The following RAB11FIP5 variants were observed in gnomAD, a reference collection of about 807,000 sequenced individuals.
RAB11FIP5 encodes rab11 family-interacting protein 5.
Under a neutral mutation model 85.1 loss-of-function variants are expected in RAB11FIP5, and 48 were observed. The ratio of observed to expected loss-of-function variants is 0.56; its 90% CI spans 0.45 to 0.72. RAB11FIP5 has a LOEUF of 0.72. RAB11FIP5 is among the 30% of genes least tolerant of loss of function. The probability of loss-of-function intolerance (pLI) is 0.00; values close to 1 mark genes in which losing one functional copy is unlikely to be tolerated. For synonymous variants in RAB11FIP5, 729 were observed against 727.3 expected (o/e 1.00, Z -0.04); for missense variants, 1,491 against 1,687.0 (o/e 0.88, Z 2.04).
At chr2:73,100,653 T>A (rs1399786370) in intron 1 of RAB11FIP5, among the ~76,000 whole-genome samples, 1 of 152,142 alleles carries the variant, frequency 6.6e-6, no homozygotes, top group African/African-American at 2.4e-5. Flanking sequence ...CTTGAACTCC[T>A]GACCTCAAGT....
At chr2:73,101,348 C>T (rs1355275066) in intron 1 of RAB11FIP5, among the ~76,000 whole-genome samples, 2 of 152,146 alleles carry the variant, frequency 1.3e-5, no homozygotes, top group Admixed American at 6.5e-5. Context: ...ACATAACAGC[C>T]AGGTGCCTAT....
At position 73,075,458 on chromosome 2, in the gene RAB11FIP5, G is replaced by T. The variant is rs1304115232; in HGVS notation, c.*63C>A. On this transcript the variant is annotated 3_prime_UTR_variant, in exon 6 of 6. Coordinates refer to ENST00000486777, the MANE Select transcript of RAB11FIP5 (RefSeq NM_001371272.1). The surrounding 1 kb of genome is among the most constrained non-coding windows in gnomAD (Gnocchi z 4.6). The stretch of plus-strand genomic sequence containing the variant: ...GCCCCACTGCAGATGAGAGAGTTCA[G>T]GAGGAGAGAGGGCAGGCAGCAATAG... 1.3e-6 allele frequency: 2 copies of T among 1,493,846 alleles called. No homozygotes were observed. Among genetic ancestry groups the T allele is most frequent in the African/African-American group, 2.8e-5 (2 of 72,634 alleles). 92.5% of individuals were successfully genotyped at this position (1,493,846 alleles called of 1,614,324 possible).
At chr2:73,099,119 G>A (rs746914583) in intron 1 of RAB11FIP5, among the ~76,000 whole-genome samples, 8 of 144,656 alleles carry the variant, frequency 5.5e-5, no homozygotes, top group South Asian at 2.2e-4. Flanking sequence ...GCACAGTCTC[G>A]GCTCACTGAA....
Position 73,079,731 on chromosome 2 carries a change from G to A in RAB11FIP5, c.3501C>T (p.Leu1167=). 1.6e-6 allele frequency: 2 copies of A among 1,233,126 alleles called. No individual in the cohort carries two copies. Among genetic ancestry groups the A allele is most frequent in the Non-Finnish European group, 2.0e-6 (2 of 988,790 alleles). The allele number at this position is 1,233,126 out of a possible 1,614,324, so 76.4% of individuals were successfully genotyped here. ...GCGGGGAGGCTGGGGTGGCTGCAGC[G>A]AGGTCCTCCCTAAGTAGGGCAGGGG... ...GGSPALLRED[L]AAATPASPLV... Residue 1167 remains leucine (L), a synonymous_variant, in exon 4 of 6, where the codon CTC becomes CTT. Transcript: ENST00000486777.
chr2:73,083,155 C>T (rs948654439), intron 3 of RAB11FIP5, among the ~76,000 whole-genome samples: 2 of 152,208 alleles, frequency 1.3e-5, no homozygotes, highest in Non-Finnish European at 2.9e-5. Flanking sequence ...GCCAGCCAGC[C>T]CATAAGGAGT....
chr2:73,103,777 G>A (rs1684473998), intron 1 of RAB11FIP5, among the ~76,000 whole-genome samples: 1 of 152,174 alleles, frequency 6.6e-6, no homozygotes, highest in South Asian at 2.1e-4. Flanking sequence ...TAAGTGAGGT[G>A]GCCCAGGACC....
At chr2:73,085,453 T>C (rs1389519935) in intron 3 of RAB11FIP5, among the ~76,000 whole-genome samples, 1 of 152,230 alleles carries the variant, frequency 6.6e-6, no homozygotes, top group Non-Finnish European at 1.5e-5. Flanking sequence ...ACTTTGGCCC[T>C]GGCGGGTTTA....
chr2:73,089,495 T>A lies in RAB11FIP5; in HGVS notation c.432-180A>T. The A allele has an allele frequency of 1.4e-6, 1 of 713,956 alleles. No individual in the cohort carries two copies. The highest frequency in any genetic ancestry group is 2.5e-6 in the Non-Finnish European group (1 of 399,846). The allele number at this position is 713,956 out of a possible 1,614,324, so 44.2% of individuals were successfully genotyped here. On this transcript the variant is annotated intron_variant, in intron 1 of 5. Coordinates refer to ENST00000486777, the MANE Select transcript of RAB11FIP5 (RefSeq NM_001371272.1). This position sits in a 1 kb window ranked among gnomAD's most constrained non-coding sequence, Gnocchi z 4.6. ...CAGGCTTCAGATGCAGCTGAGAAAC[T>A]ATCCAAAACATTTCCATGATGGAGA...
chr2:73,112,225 T>G, intron 1 of RAB11FIP5, 122 bp downstream of exon 1: 1 of 1,161,110 alleles, frequency 8.6e-7, no homozygotes, highest in South Asian at 1.8e-5. Flanking sequence ...TTCTGTCGGT[T>G]TACGCCCTTA....
chr2:73,080,783 G>A lies in RAB11FIP5; in HGVS notation c.2449C>T (p.Arg817Ter), dbSNP rs571316044. Residue 817 changes from arginine (R) to a stop codon, truncating the protein, a stop_gained, in exon 4 of 6, where the codon CGA becomes TGA. Coordinates refer to ENST00000486777, the MANE Select transcript of RAB11FIP5 (RefSeq NM_001371272.1). LOFTEE classifies it high-confidence loss of function. The part of the protein sequence containing the change: ...AAEGQDDESS[R>*]GENQLCPDVE... The stretch of plus-strand genomic sequence containing the variant: ...TCAGGGCAAAGCTGATTTTCGCCTC[G>A]GGAGGACTCATCGTCCTGGCCCTCA... 1.6e-5 allele frequency: 20 copies of A among 1,232,418 alleles called. No homozygotes were observed. The Admixed American group carries it at 2.5e-4, about 16-fold the overall frequency. The allele number at this position is 1,232,418 out of a possible 1,614,324, so 76.3% of individuals were successfully genotyped here.
At chr2:73,110,595 C>T (rs558725615) in intron 1 of RAB11FIP5, among the ~76,000 whole-genome samples, 36 of 152,236 alleles carry the variant, frequency 2.4e-4, no homozygotes, top group African/African-American at 8.4e-4. Flanking sequence ...GGTTCCCATT[C>T]AGATCAAGGG....
rs755164489 is a variant in RAB11FIP5, at chr2:73,089,111, G to C, written c.636C>G (p.Leu212=). 6.2e-7 allele frequency: 1 copy of C among 1,614,094 alleles called. No homozygotes were observed. Among genetic ancestry groups the C allele is most frequent in the Non-Finnish European group, 8.5e-7 (1 of 1,180,040 alleles). Residue 212 remains leucine, a synonymous_variant, in exon 2 of 6, where the codon CTC becomes CTG. Coordinates refer to ENST00000486777, the MANE Select transcript of RAB11FIP5 (RefSeq NM_001371272.1). The surrounding 1 kb of genome is among the most constrained non-coding windows in gnomAD (Gnocchi z 4.6). ...KYDLESASAI[L]PSSAIEDPDL... ...CAGGATCCTCTATGGCGCTGCTTGGGAGGATGGCAGAGGCAGATTCCAGAT... is the reference window on the plus strand; with the variant it reads ...CAGGATCCTCTATGGCGCTGCTTGGCAGGATGGCAGAGGCAGATTCCAGAT...
chr2:73,102,860 T>C (rs1394509259), intron 1 of RAB11FIP5, among the ~76,000 whole-genome samples: 1 of 152,214 alleles, frequency 6.6e-6, no homozygotes, highest in East Asian at 1.9e-4. Context: ...CCTTACTAAG[T>C]GGCTTGAAGC....
In RAB11FIP5 at chr2:73,112,901, G is replaced by C. The variant is rs1684699786; in HGVS notation, c.-124C>G. On this transcript the variant is annotated 5_prime_UTR_variant, in exon 1 of 6. Transcript: ENST00000486777. ...GAGCGCCGCCGCAGCTGCGGGCTGG[G>C]CTGGGCCGGGCCGACCGGCCGCCGC... The C allele has an allele frequency of 1.1e-6, 1 of 915,944 alleles. No homozygotes were observed. The highest frequency in any genetic ancestry group is 5.6e-5 in the South Asian group (1 of 17,976). The allele number at this position is 915,944 out of a possible 1,614,324, so 56.7% of individuals were successfully genotyped here.
At chr2:73,110,173 G>A (rs1403930879) in intron 1 of RAB11FIP5, among the ~76,000 whole-genome samples, 1 of 152,162 alleles carries the variant, frequency 6.6e-6, no homozygotes, top group Non-Finnish European at 1.5e-5. Context: ...GCCAACTCCT[G>A]GAGTTAAAGA....
chr2:73,112,860 G>A lies in RAB11FIP5; in HGVS notation c.-83C>T. 7.9e-7 allele frequency: 1 copy of A among 1,266,102 alleles called. No individual in the cohort carries two copies. The highest frequency in any genetic ancestry group is 1.0e-6 in the Non-Finnish European group (1 of 988,654). 78.4% of individuals were successfully genotyped at this position (1,266,102 alleles called of 1,614,324 possible). On this transcript the variant is annotated 5_prime_UTR_variant, in exon 1 of 6. Transcript: ENST00000486777. ...ACAAACCCGGCCGCGGCAGAAGGCG[G>A]TCAGGAACCAACTCTGAGCGCCGCC...
rs1393298623 is a variant in RAB11FIP5 at position 73,080,415 on chromosome 2, T to C, written c.2817A>G (p.Pro939=). The part of the protein sequence containing the change: ...GPETEGEDAS[P]SALVVGPPET... ...CCGGGGGACCGACAACCAGTGCACTTGGGGAGGCATCTTCTCCCTCTGTCT... is the reference window on the plus strand; with the variant it reads ...CCGGGGGACCGACAACCAGTGCACTCGGGGAGGCATCTTCTCCCTCTGTCT... The change falls in exon 4 of 6, where the codon CCA becomes CCG. Residue 939 remains proline (P), a synonymous_variant. Transcript: ENST00000486777. 1 of 1,233,254 alleles carries C rather than the reference T, an allele frequency of 8.1e-7. No individual in the cohort carries two copies. The highest frequency in any genetic ancestry group is 4.2e-5 in the Admixed American group (1 of 23,724). 76.4% of individuals were successfully genotyped at this position (1,233,254 alleles called of 1,614,324 possible). A position where few individuals can be genotyped will look rare whatever the true frequency, so the allele number is the denominator to read the frequency against.
chr2:73,086,946 T>C lies in RAB11FIP5; in HGVS notation c.1568+1104A>G, dbSNP rs747854684. On this transcript the variant is annotated intron_variant, in intron 3 of 5. Coordinates refer to ENST00000486777, the MANE Select transcript of RAB11FIP5 (RefSeq NM_001371272.1). The surrounding 1 kb of genome is among the most constrained non-coding windows in gnomAD (Gnocchi z 4.4). ...AAACCTAGAAAGGCCTGCATGTCTCTCTCCACTCCTCTCAACAGACTCAGA... is the reference window on the plus strand; with the variant it reads ...AAACCTAGAAAGGCCTGCATGTCTCCCTCCACTCCTCTCAACAGACTCAGA... 1.6e-4 allele frequency among the ~76,000 whole-genome samples: 24 copies of C among 152,080 alleles called. No homozygotes were observed. The highest frequency in any genetic ancestry group is 3.1e-4 in the Non-Finnish European group (21 of 68,018).
Position 73,075,443 on chromosome 2 carries a change from A to T in RAB11FIP5, c.*78T>A, listed in dbSNP as rs778143600. ...GGCAAGACAGACGATGCCCCACTGC[A>T]GATGAGAGAGTTCAGGAGGAGAGAG... On this transcript the variant is annotated 3_prime_UTR_variant, in exon 6 of 6. Coordinates refer to ENST00000486777, the MANE Select transcript of RAB11FIP5 (RefSeq NM_001371272.1). This position sits in a 1 kb window ranked among gnomAD's most constrained non-coding sequence, Gnocchi z 4.6. The T allele has an allele frequency of 1.4e-6, 2 of 1,382,344 alleles. No homozygotes were observed. Among genetic ancestry groups the T allele is most frequent in the African/African-American group, 2.8e-5 (2 of 70,502 alleles). The allele number at this position is 1,382,344 out of a possible 1,614,324, so 85.6% of individuals were successfully genotyped here.
Sources: allele counts gnomAD v4.1 joint callset (sites outside exome capture counted in the v4.1 genomes callset), GRCh38; gene constraint gnomAD v4.1.1; non-coding constraint Gnocchi (gnomAD v3.1); transcripts MANE v1.5; gene names NCBI Gene and HGNC (gene_info 2026-07-23, HGNC 2026-07-21).